NINL: variants seen among roughly 807,000 people sequenced by gnomAD.
The protein encoded by NINL is ninein like.
Under a neutral mutation model 160.3 loss-of-function variants are expected in NINL, and 153 were observed. That is an observed-to-expected ratio of 0.95 (90% CI 0.84 to 1.09). The LOEUF (loss-of-function observed/expected upper bound fraction) is 1.09. NINL is among the 50% of genes least tolerant of loss of function. The probability of loss-of-function intolerance (pLI) is 0.00; values close to 1 mark genes in which losing one functional copy is unlikely to be tolerated. For synonymous variants in NINL, 800 were observed against 734.8 expected (o/e 1.09, Z -1.43); for missense variants, 1,829 against 1,764.0 (o/e 1.04, Z -0.66).
intron 1 of NINL, among the ~76,000 whole-genome samples, chr20:25,564,658 G>A (rs1287065991): frequency 2.0e-5 from 3 of 151,900 alleles, no homozygotes; most frequent in Non-Finnish European, 4.4e-5. Context: ...TCACCATGTT[G>A]GCCAGGCTGG....
chr20:25,561,248 G>A (rs995551303), intron 1 of NINL, among the ~76,000 whole-genome samples: 4 of 152,118 alleles, frequency 2.6e-5, no homozygotes, highest in East Asian at 1.9e-4. Context: ...TGTGTTGGCC[G>A]GGCTGGTCTC....
At chr20:25,511,885 C>T (rs1017661792) in intron 4 of NINL, among the ~76,000 whole-genome samples, 1 of 152,196 alleles carries the variant, frequency 6.6e-6, no homozygotes, top group African/African-American at 2.4e-5. Flanking sequence ...CCTGGGGGCC[C>T]GACCTGTCTA....
intron 1 of NINL, among the ~76,000 whole-genome samples, chr20:25,539,388 G>A (rs1251430386): frequency 1.3e-5 from 2 of 152,246 alleles, no homozygotes; most frequent in African/African-American, 4.8e-5. Flanking sequence ...CCCCTGAGCG[G>A]CCAAGGCAGG....
intron 1 of NINL, among the ~76,000 whole-genome samples, chr20:25,579,313 G>T (rs550963885): frequency 6.6e-6 from 1 of 152,072 alleles, no homozygotes; most frequent in African/African-American, 2.4e-5. Flanking sequence ...AGTACACCCC[G>T]GCTCAGCCTC....
rs144446539 is a variant in NINL, at chr20:25,472,908, G to C, written c.3249-2813C>G. On this transcript the variant is annotated intron_variant, in intron 17 of 23. Coordinates refer to ENST00000278886, the MANE Select transcript of NINL (RefSeq NM_025176.6). ...TACAGCCCAACATAATGCTCCAAAA[G>C]ACAAATGCAAGAACGTTCAGTGCAG... 3.5e-3 allele frequency among the ~76,000 whole-genome samples: 540 copies of C among 152,224 alleles called. 3 individuals are homozygous for C. Among genetic ancestry groups the C allele is most frequent in the African/African-American group, 0.012 (519 of 41,524 alleles).
intron 13 of NINL, among the ~76,000 whole-genome samples, chr20:25,482,635 G>A (rs903865409): frequency 2.6e-4 from 39 of 151,850 alleles, no homozygotes; most frequent in African/African-American, 9.4e-4. Flanking sequence ...ACAGGCGTGA[G>A]CCACCATGCC....
intron 23 of NINL, 50 bp downstream of exon 23, chr20:25,455,623 A>C (rs758781993): frequency 6.0e-6 from 8 of 1,327,178 alleles, no homozygotes; most frequent in Non-Finnish European, 8.7e-6. Flanking sequence ...AAAAGTGGAG[A>C]GCGTTCAGAA....
intron 9 of NINL, 123 bp downstream of exon 9, chr20:25,498,087 G>A: frequency 8.3e-7 from 1 of 1,197,884 alleles, no homozygotes. Flanking sequence ...GCAGAGCCCT[G>A]CCCCAGGACT....
intron 1 of NINL, among the ~76,000 whole-genome samples, chr20:25,576,869 C>T (rs1285753907): frequency 2.6e-5 from 4 of 152,230 alleles, no homozygotes; most frequent in Admixed American, 1.3e-4. Context: ...AGAATTGCTT[C>T]GCTTTAAAGC....
intron 1 of NINL, among the ~76,000 whole-genome samples, chr20:25,527,511 G>GT (rs569237493): frequency 2.4e-4 from 35 of 148,008 alleles, no homozygotes; most frequent in East Asian, 7.9e-4. Context: ...AAGGGTTTCT[G>GT]TTTTTTTTTC....
At chr20:25,467,529 C>G (rs2062945596) in intron 18 of NINL, 71 bp from the exon 19 acceptor site, 2 of 1,199,988 alleles carry the variant, frequency 1.7e-6, no homozygotes, top group African/African-American at 3.0e-5. Flanking sequence ...GGTCAGCACC[C>G]AGGGTAAGAG....
chr20:25,496,676 C>G lies in NINL; in HGVS notation c.1297G>C (p.Glu433Gln). 1 of 1,614,096 alleles carries G rather than the reference C, an allele frequency of 6.2e-7. No individual in the cohort carries two copies. Among genetic ancestry groups the G allele is most frequent in the Non-Finnish European group, 8.5e-7 (1 of 1,180,010 alleles). ...CCCAGAACCCACTTGATTTTCTTCT[C>G]CGTGAGCTGCTCCAGGGTGGAGTGG... The part of the protein sequence containing the change: ...DCHSTLEQLT[E>Q]KKIKHLEQGY... The change falls in exon 10 of 24, where the codon GAG (glutamate) becomes CAG (glutamine). Residue 433 changes from glutamate to glutamine, a missense_variant. Transcript: ENST00000278886.
In NINL at chr20:25,453,403, T is replaced by C; in HGVS notation, c.*48A>G. On this transcript the variant is annotated 3_prime_UTR_variant, in exon 24 of 24. Transcript: ENST00000278886. ...CGGAATCTAAGGCAGCACAGTGGCT[T>C]AATTTAAAAGATGTGCTTTCGAATG... is the stretch of plus-strand genomic sequence containing the variant. 6.6e-7 allele frequency: 1 copy of C among 1,523,522 alleles called. No individual in the cohort carries two copies. 94.4% of individuals were successfully genotyped at this position (1,523,522 alleles called of 1,614,324 possible).
At chr20:25,480,312 CG>C in intron 14 of NINL, 45 bp from the exon 15 acceptor site, 1 of 1,523,880 alleles carries the variant, frequency 6.6e-7, no homozygotes. Context: ...GAGGATGCCA[CG>C]GGGGCCCCTT....
At chr20:25,482,559 C>CA (rs2063414586) in intron 13 of NINL, among the ~76,000 whole-genome samples, 1 of 151,774 alleles carries the variant, frequency 6.6e-6, no homozygotes, top group Admixed American at 6.6e-5. Context: ...CCATGTTGGC[C>CA]AGGCTGGTCT....
At chr20:25,501,270 C>T (rs926645919) in intron 7 of NINL, among the ~76,000 whole-genome samples, 5 of 152,358 alleles carry the variant, frequency 3.3e-5, no homozygotes, top group East Asian at 1.9e-4. Flanking sequence ...CTTGCACCCA[C>T]GTGGCCCAAC....
chr20:25,472,090 A>C (rs1049703528), intron 17 of NINL, among the ~76,000 whole-genome samples: 2 of 152,090 alleles, frequency 1.3e-5, no homozygotes, highest in African/African-American at 4.8e-5. Context: ...GACCAAACAG[A>C]ATTTTTAGAA....
At chr20:25,528,429 C>G (rs1350445006) in intron 1 of NINL, among the ~76,000 whole-genome samples, 1 of 152,086 alleles carries the variant, frequency 6.6e-6, no homozygotes, top group African/African-American at 2.4e-5. Context: ...TTACTGGTCA[C>G]TTTACATATA....
intron 1 of NINL, among the ~76,000 whole-genome samples, chr20:25,537,468 C>A (rs879811404): frequency 4.5e-4 from 69 of 152,204 alleles, no homozygotes; most frequent in Non-Finnish European, 9.4e-4. Flanking sequence ...GAGCAGCGCA[C>A]CTGCTGGCTC....
Sources: gnomAD v4.1 joint callset for allele counts (sites outside exome capture counted in the v4.1 genomes callset) on GRCh38, gnomAD v4.1.1 for gene constraint, MANE v1.5 for transcripts, NCBI Gene and HGNC (gene_info 2026-07-23, HGNC 2026-07-21) for gene names.